The following SEMA5A variants were observed in gnomAD, a reference collection of about 807,000 sequenced individuals.
SEMA5A encodes semaphorin-5A.
Under a neutral mutation model 135.5 loss-of-function variants are expected in SEMA5A, and 55 were observed. The observed-to-expected ratio is 0.41, with a 90% CI of 0.33 to 0.51. The LOEUF (loss-of-function observed/expected upper bound fraction) is 0.51, where lower values mean the gene tolerates loss of function less well. Ranked by LOEUF, SEMA5A falls within the 20% of genes least tolerant of loss-of-function variation. The pLI is 0.37. For synonymous variants in SEMA5A, 580 were observed against 546.5 expected (o/e 1.06, Z -0.85); for missense variants, 1,290 against 1,419.9 (o/e 0.91, Z 1.47).
chr5:9,364,499 A>C (rs1754832215), intron 3 of SEMA5A, among the ~76,000 whole-genome samples: 1 of 152,160 alleles, frequency 6.6e-6, no homozygotes, highest in Non-Finnish European at 1.5e-5. Context: ...TCCCAATGAG[A>C]GATGGCTTGC....
intron 10 of SEMA5A, among the ~76,000 whole-genome samples, chr5:9,192,350 G>A (rs1029225030): frequency 1.3e-5 from 2 of 152,226 alleles, no homozygotes; most frequent in Admixed American, 6.5e-5. Flanking sequence ...GAGATAATCC[G>A]TGGAAAGCAT....
chr5:9,104,547 T>G (rs1739804133), intron 16 of SEMA5A, among the ~76,000 whole-genome samples: 1 of 152,218 alleles, frequency 6.6e-6, no homozygotes, highest in South Asian at 2.1e-4. Flanking sequence ...TAAATGTCTA[T>G]GTTAGACTTG....
At chr5:9,106,662 A>G (rs905130718) in intron 16 of SEMA5A, among the ~76,000 whole-genome samples, 5 of 152,224 alleles carry the variant, frequency 3.3e-5, no homozygotes, top group African/African-American at 1.2e-4. Context: ...TTCTTCAGCA[A>G]AATACAAAGT....
chr5:9,312,506 CT>C (rs1410178191), intron 5 of SEMA5A, among the ~76,000 whole-genome samples: 1 of 152,106 alleles, frequency 6.6e-6, no homozygotes. Context: ...GACATCTTCT[CT>C]TAATATGTTA....
At chr5:9,197,110 G>T in intron 10 of SEMA5A, 58 bp downstream of exon 10, 1 of 1,607,254 alleles carries the variant, frequency 6.2e-7, no homozygotes, top group Non-Finnish European at 8.5e-7. Flanking sequence ...GTCTACACAA[G>T]GCTTCTGCAT....
chr5:9,035,651 A>G lies in SEMA5A; in HGVS notation c.*7246T>C, dbSNP rs989274984. On this transcript the variant is annotated 3_prime_UTR_variant, in exon 23 of 23. Transcript: ENST00000382496. ...GACAGGAAAGATAAAAGTCATGAACATTAGAAATTTCTATTGCGCACATGT... is the reference window on the plus strand; with the variant it reads ...GACAGGAAAGATAAAAGTCATGAACGTTAGAAATTTCTATTGCGCACATGT... The G allele has an allele frequency of 2.0e-5, 3 of 152,212 alleles. No individual in the cohort carries two copies. The highest frequency in any genetic ancestry group is 3.9e-4 in the East Asian group (2 of 5,192). The allele number at this position is 152,212 out of a possible 1,614,324, so 9.4% of individuals were successfully genotyped here. A position where few individuals can be genotyped will look rare whatever the true frequency, so the allele number is the denominator to read the frequency against.
Position 9,367,958 on chromosome 5 carries a change from C to T in SEMA5A, c.124+11865G>A, listed in dbSNP as rs559937324. Among the ~76,000 whole-genome samples the T allele has an allele frequency of 2.6e-5, 4 of 152,326 alleles. No individual in the cohort carries two copies. In the East Asian group the frequency reaches 7.7e-4, roughly 29 times the overall value. On this transcript the variant is annotated intron_variant, in intron 3 of 22. Coordinates refer to ENST00000382496, the MANE Select transcript of SEMA5A (RefSeq NM_003966.3). Reference sequence around the variant, plus strand: ...CTTCTCCTTCTGCCATGAGTAAAAGCTTTCTGAGGCCTCACCAGAAGTCAA... The same window carrying T: ...CTTCTCCTTCTGCCATGAGTAAAAGTTTTCTGAGGCCTCACCAGAAGTCAA...
intron 5 of SEMA5A, among the ~76,000 whole-genome samples, chr5:9,242,707 T>G: frequency 6.6e-6 from 1 of 152,090 alleles, no homozygotes; most frequent in East Asian, 1.9e-4. Flanking sequence ...CTCACAAATC[T>G]CCACTGAAGA....
At chr5:9,399,448 G>A (rs1171874502) in intron 2 of SEMA5A, among the ~76,000 whole-genome samples, 1 of 152,140 alleles carries the variant, frequency 6.6e-6, no homozygotes, top group Non-Finnish European at 1.5e-5. Context: ...ATTAGTGATT[G>A]CCAGGGGTTG....
chr5:9,240,834 T>C (rs565051482), intron 5 of SEMA5A, among the ~76,000 whole-genome samples: 1 of 152,262 alleles, frequency 6.6e-6, no homozygotes, highest in East Asian at 1.9e-4. Context: ...TGTCCACTTG[T>C]ATTCAAAAGA....
chr5:9,225,389 T>TAATAAA (rs1747241939), intron 7 of SEMA5A, among the ~76,000 whole-genome samples: 1 of 43,084 alleles, frequency 2.3e-5, no homozygotes, highest in African/African-American at 1.0e-4. Flanking sequence ...CCATCTCTAC[T>TAATAAA]AAAAAAAAAA....
chr5:9,344,083 A>G (rs1753761070), intron 3 of SEMA5A, among the ~76,000 whole-genome samples: 1 of 152,222 alleles, frequency 6.6e-6, no homozygotes, highest in South Asian at 2.1e-4. Context: ...AAACATACAT[A>G]TCAGAATAAC....
chr5:9,161,751 A>C (rs953321834), intron 11 of SEMA5A, among the ~76,000 whole-genome samples: 4 of 152,226 alleles, frequency 2.6e-5, no homozygotes, highest in African/African-American at 9.6e-5. Context: ...CATGAGCTTC[A>C]GTTTTCTGCA....
At chr5:9,480,087 G>A (rs1425805833) in intron 1 of SEMA5A, among the ~76,000 whole-genome samples, 1 of 57,900 alleles carries the variant, frequency 1.7e-5, no homozygotes, top group Admixed American at 1.9e-4. Context: ...CCTGTGCACT[G>A]TAGGACATTC....
intron 1 of SEMA5A, among the ~76,000 whole-genome samples, chr5:9,538,196 C>G (rs1280070151): frequency 6.8e-6 from 1 of 147,602 alleles, no homozygotes; most frequent in Non-Finnish European, 1.5e-5. Context: ...TTCAGCATTA[C>G]ATTTTAACTG....
In SEMA5A at chr5:9,162,560, G is replaced by GTATATATATATA. The variant is rs760785096; in HGVS notation, c.1274-7866_1274-7865insTATATATATATA. On this transcript the variant is annotated intron_variant, in intron 11 of 22. Transcript: ENST00000382496. ...TGTATGTGTGTATATATGTGTGTGT[G>GTATATATATATA]TGTGTATATATATATATATATATAT... 3.8e-3 allele frequency among the ~76,000 whole-genome samples: 106 copies of GTATATATATATA among 28,022 alleles called. 6 individuals are homozygous for GTATATATATATA. The highest frequency in any genetic ancestry group is 0.016 in the African/African-American group (97 of 5,998). 18.4% of individuals were successfully genotyped at this position (28,022 alleles called of 152,430 possible).
At chr5:9,397,247 C>T (rs62342043) in intron 2 of SEMA5A, among the ~76,000 whole-genome samples, 2 of 152,184 alleles carry the variant, frequency 1.3e-5, no homozygotes, top group South Asian at 4.1e-4. Context: ...TAAATGAGTG[C>T]TCATGTGAAT....
intron 7 of SEMA5A, 48 bp from the exon 8 acceptor site, chr5:9,224,935 T>C: frequency 6.6e-7 from 1 of 1,523,674 alleles, no homozygotes; most frequent in South Asian, 1.2e-5. Flanking sequence ...CACAAGCCCC[T>C]TTAGTGATGC....
chr5:9,139,567 T>C (rs1741949961), intron 12 of SEMA5A, among the ~76,000 whole-genome samples: 1 of 152,238 alleles, frequency 6.6e-6, no homozygotes, highest in South Asian at 2.1e-4. Flanking sequence ...ATGTGTAAAC[T>C]TCCTATCCAT....
Sources: allele counts gnomAD v4.1 joint callset (sites outside exome capture counted in the v4.1 genomes callset), GRCh38; gene constraint gnomAD v4.1.1; transcripts MANE v1.5; gene names NCBI Gene and HGNC (gene_info 2026-07-23, HGNC 2026-07-21).